FSHR: variants seen among roughly 807,000 people sequenced by gnomAD.
FSHR encodes follicle stimulating hormone receptor, also known as follicle-stimulating hormone receptor.
In FSHR, 46 loss-of-function variants were observed where a neutral mutation model predicts 52.1. The observed-to-expected ratio is 0.88, with a 90% CI of 0.70 to 1.13. The LOEUF is 1.13. FSHR is among the 50% of genes most tolerant of loss of function. FSHR has a pLI of 0.00. For synonymous variants in FSHR, 399 were observed against 309.6 expected (o/e 1.29, Z -3.03); for missense variants, 964 against 834.6 (o/e 1.16, Z -1.91).
chr2:49,136,495 C>G (rs1425343150), intron 1 of FSHR, among the ~76,000 whole-genome samples: 1 of 152,024 alleles, frequency 6.6e-6, no homozygotes, highest in African/African-American at 2.4e-5. Flanking sequence ...AAAGAAAATA[C>G]TTTTGCACTC....
chr2:49,088,595 CT>C (rs1195009920), intron 1 of FSHR, among the ~76,000 whole-genome samples: 3 of 152,196 alleles, frequency 2.0e-5, no homozygotes, highest in Non-Finnish European at 4.4e-5. Context: ...CATTGTGCCT[CT>C]AAAGCAGTTC....
intron 1 of FSHR, among the ~76,000 whole-genome samples, chr2:49,119,517 AT>A (rs1671726441): frequency 6.6e-6 from 1 of 151,462 alleles, no homozygotes; most frequent in East Asian, 1.9e-4. Context: ...CACCTGAAAA[AT>A]TTTTTTCTTT....
chr2:49,115,358 T>A, intron 1 of FSHR, among the ~76,000 whole-genome samples: 1 of 152,130 alleles, frequency 6.6e-6, no homozygotes. Context: ...CAACACATGT[T>A]TATTGAACAC....
At chr2:49,068,930 T>C in intron 1 of FSHR, among the ~76,000 whole-genome samples, 1 of 152,076 alleles carries the variant, frequency 6.6e-6, no homozygotes, top group Non-Finnish European at 1.5e-5. Flanking sequence ...TTCATTCACC[T>C]TTTTCCCCTT....
intron 8 of FSHR, among the ~76,000 whole-genome samples, chr2:48,975,224 C>T (rs1559085074): frequency 6.6e-6 from 1 of 152,090 alleles, no homozygotes; most frequent in African/African-American, 2.4e-5. Context: ...ACCCCTTCTT[C>T]TCCTACTTTT....
chr2:49,088,151 G>C (rs1218899914), intron 1 of FSHR, among the ~76,000 whole-genome samples: 3 of 152,128 alleles, frequency 2.0e-5, no homozygotes, highest in Non-Finnish European at 4.4e-5. Context: ...AAGCCTGTCT[G>C]GTCCCAAAGC....
chr2:49,100,581 C>G (rs1188146426), intron 1 of FSHR, among the ~76,000 whole-genome samples: 1 of 152,172 alleles, frequency 6.6e-6, no homozygotes, highest in Non-Finnish European at 1.5e-5. Flanking sequence ...GGATGAGATG[C>G]ATGCATGCAG....
chr2:49,028,264 T>C (rs1009912290), intron 2 of FSHR, among the ~76,000 whole-genome samples: 1 of 152,216 alleles, frequency 6.6e-6, no homozygotes, highest in Non-Finnish European at 1.5e-5. Flanking sequence ...ATGTTTGCGG[T>C]GTAGCAGGCA....
At position 48,962,755 on chromosome 2, in the gene FSHR, A is replaced by T. The variant is rs547208879; in HGVS notation, c.2066T>A (p.Leu689Gln). 3.1e-6 allele frequency: 5 copies of T among 1,613,898 alleles called. No individual in the cohort carries two copies. The highest frequency in any genetic ancestry group is 2.7e-5 in the African/African-American group (2 of 74,932). Reference sequence around the variant, plus strand: ...GTTTTAGTTTTGGGCTAAATGACTTAGAGGGACAAGTATGTAAGTGGAACC... The same window carrying T: ...GTTTTAGTTTTGGGCTAAATGACTTTGAGGGACAAGTATGTAAGTGGAACC... ...TSGSTYILVP[L>Q]SHLAQN Residue 689 changes from leucine (L) to glutamine (Q), a missense_variant, in exon 10 of 10, where the codon CTA (leucine) becomes CAA (glutamine). Leu to Gln is a moderately radical substitution (Grantham distance 113, BLOSUM62 -2). Transcript: ENST00000406846.
At chr2:49,013,206 C>A (rs1458928635) in intron 4 of FSHR, among the ~76,000 whole-genome samples, 1 of 151,490 alleles carries the variant, frequency 6.6e-6, no homozygotes, top group Non-Finnish European at 1.5e-5. Context: ...AGCCAGGAAC[C>A]AAATTGGCCA....
intron 1 of FSHR, among the ~76,000 whole-genome samples, chr2:49,072,062 A>C (rs1669757827): frequency 6.6e-6 from 1 of 152,190 alleles, no homozygotes; most frequent in Admixed American, 6.6e-5. Context: ...CACTAAAAAC[A>C]TATTGACCAA....
chr2:49,154,138 A>T, intron 1 of FSHR, 128 bp downstream of exon 1: 1 of 1,001,362 alleles, frequency 1.0e-6, no homozygotes, highest in Non-Finnish European at 1.5e-6. Flanking sequence ...TAGTTGTTTT[A>T]TTCAGGACTT....
intron 1 of FSHR, among the ~76,000 whole-genome samples, chr2:49,109,391 G>C (rs1317880931): frequency 6.6e-6 from 1 of 152,132 alleles, no homozygotes; most frequent in Non-Finnish European, 1.5e-5. Flanking sequence ...TGTTTTATCT[G>C]GGTTGGGGAG....
chr2:49,013,513 T>TATAAATATATATATATAA (rs1553333458), intron 4 of FSHR, among the ~76,000 whole-genome samples: 2 of 136,588 alleles, frequency 1.5e-5, no homozygotes, highest in African/African-American at 5.6e-5. Flanking sequence ...TATATATATA[T>TATAAATATATATATATAA]ATAAATATAT....
chr2:48,997,237 C>T (rs1676063057), intron 4 of FSHR: 2 of 984,894 alleles, frequency 2.0e-6, no homozygotes, highest in African/African-American at 3.5e-5. Flanking sequence ...TTATGTGAGA[C>T]AGTAGGAAAG....
At chr2:49,098,858 A>G (rs925609885) in intron 1 of FSHR, among the ~76,000 whole-genome samples, 1 of 146,566 alleles carries the variant, frequency 6.8e-6, no homozygotes, top group Non-Finnish European at 1.5e-5. Context: ...TATACTTTAT[A>G]TATAATATAT....
intron 9 of FSHR, among the ~76,000 whole-genome samples, chr2:48,967,068 C>T (rs946772488): frequency 3.3e-5 from 5 of 152,164 alleles, no homozygotes; most frequent in African/African-American, 7.2e-5. Flanking sequence ...AAATAGCACA[C>T]TGCAAGCTGC....
At chr2:49,053,215 C>T (rs916575085) in intron 2 of FSHR, among the ~76,000 whole-genome samples, 1 of 152,166 alleles carries the variant, frequency 6.6e-6, no homozygotes, top group East Asian at 1.9e-4. Context: ...TGGCTTATTG[C>T]CGCCTCATCT....
At chr2:49,058,551 C>G (rs1669154612) in intron 2 of FSHR, among the ~76,000 whole-genome samples, 1 of 151,828 alleles carries the variant, frequency 6.6e-6, no homozygotes, top group African/African-American at 2.4e-5. Flanking sequence ...TTTCAACACC[C>G]TCCTCCCCAC....
Sources: gnomAD v4.1 joint callset for allele counts (sites outside exome capture counted in the v4.1 genomes callset) on GRCh38, gnomAD v4.1.1 for gene constraint, MANE v1.5 for transcripts, NCBI Gene and HGNC (gene_info 2026-07-23, HGNC 2026-07-21) for gene names.